The following BBOX1 variants were observed in gnomAD, a reference collection of about 807,000 sequenced individuals.
BBOX1 encodes the protein gamma-butyrobetaine dioxygenase.
BBOX1 carries 35 observed loss-of-function variants against 41.6 expected under a neutral mutation model. The observed-to-expected ratio is 0.84, with a 90% CI of 0.64 to 1.11. The LOEUF (loss-of-function observed/expected upper bound fraction) is 1.11, where lower values mean the gene tolerates loss of function less well. Ranked by LOEUF, BBOX1 falls within the 50% of genes most tolerant of loss-of-function variation. BBOX1 has a pLI of 0.00. For missense variants in BBOX1, 458 were observed against 460.6 expected (o/e 0.99, Z 0.05); for synonymous variants, 163 against 154.7 (o/e 1.05, Z -0.40).
chr11:27,086,560 A>G (rs1858047557), intron 4 of BBOX1, among the ~76,000 whole-genome samples: 1 of 152,152 alleles, frequency 6.6e-6, no homozygotes, highest in African/African-American at 2.4e-5. Flanking sequence ...TTCACTGACA[A>G]TGTAACTAGT....
At chr11:27,112,670 G>A (rs960733593) in intron 5 of BBOX1, among the ~76,000 whole-genome samples, 1 of 151,890 alleles carries the variant, frequency 6.6e-6, no homozygotes, top group African/African-American at 2.4e-5. Flanking sequence ...ATGAATTAAA[G>A]ACTTAAACGT....
chr11:27,108,908 C>A (rs1858957599), intron 5 of BBOX1, among the ~76,000 whole-genome samples: 1 of 152,086 alleles, frequency 6.6e-6, no homozygotes, highest in South Asian at 2.1e-4. Context: ...CTACTAATAC[C>A]CTTTACCGTA....
chr11:27,064,144 T>G (rs1418414485), intron 4 of BBOX1, among the ~76,000 whole-genome samples: 1 of 152,078 alleles, frequency 6.6e-6, no homozygotes, highest in Non-Finnish European at 1.5e-5. Flanking sequence ...ATGGGGTAAG[T>G]GTATTGTTTC....
chr11:27,061,558 G>T (rs749799447), intron 4 of BBOX1, among the ~76,000 whole-genome samples: 1 of 152,152 alleles, frequency 6.6e-6, no homozygotes, highest in South Asian at 2.1e-4. Flanking sequence ...ATATTCCAGA[G>T]CATGCAAACA....
At chr11:27,055,740 C>A (rs1590169478) in intron 3 of BBOX1, 91 bp downstream of exon 3, 4 of 1,261,402 alleles carry the variant, frequency 3.2e-6, no homozygotes, top group East Asian at 5.0e-5. Context: ...TTTATTTGGT[C>A]ACGCATATAT....
Position 27,119,757 on chromosome 11 carries a change from C to G in BBOX1, c.748C>G (p.Gln250Glu). 6.2e-7 allele frequency: 1 copy of G among 1,603,634 alleles called. No individual in the cohort carries two copies. The highest frequency in any genetic ancestry group is 1.1e-5 in the South Asian group (1 of 89,716). The change falls in exon 7 of 9, where the codon CAG (glutamine) becomes GAG (glutamate). Residue 250 changes from glutamine to glutamate, a missense_variant. Physicochemically the swap from Gln to Glu is conservative, Grantham distance 29. Transcript: ENST00000263182. Reference protein sequence around the residue: ...KLKKNNPQAFQILSSTFVDFT... With the variant: ...KLKKNNPQAFEILSSTFVDFT... Reference sequence around the variant, plus strand: ...AAAGAAAAATAATCCTCAGGCATTCCAGATTTTGTCCTCTACCTTTGTGGA... The same window carrying G: ...AAAGAAAAATAATCCTCAGGCATTCGAGATTTTGTCCTCTACCTTTGTGGA...
chr11:27,068,392 T>C (rs1270595531), intron 4 of BBOX1, among the ~76,000 whole-genome samples: 1 of 152,208 alleles, frequency 6.6e-6, no homozygotes, highest in Non-Finnish European at 1.5e-5. Context: ...TGTCCATTCA[T>C]GTCATCTGCC....
intron 6 of BBOX1, 25 bp from the exon 7 acceptor site, chr11:27,119,624 A>T: frequency 8.1e-7 from 1 of 1,232,370 alleles, no homozygotes. Flanking sequence ...ATATTTATTT[A>T]ATAATGCATA....
At chr11:27,087,354 C>A (rs1334984975) in intron 4 of BBOX1, among the ~76,000 whole-genome samples, 21 of 152,074 alleles carry the variant, frequency 1.4e-4, no homozygotes, top group Admixed American at 1.4e-3. Context: ...GATCAGTCAG[C>A]AACCATCAAC....
chr11:27,127,241 G>C (rs373764565), intron 8 of BBOX1, 52 bp from the exon 9 acceptor site: 2 of 1,572,984 alleles, frequency 1.3e-6, no homozygotes, highest in Admixed American at 3.4e-5. Flanking sequence ...TTCTAGCTCT[G>C]TAAGTCATTT....
intron 7 of BBOX1, among the ~76,000 whole-genome samples, chr11:27,121,654 G>A (rs562870530): frequency 7.8e-4 from 119 of 152,154 alleles, no homozygotes; most frequent in Non-Finnish European, 1.4e-3. Context: ...AAAGATAGAC[G>A]TCAAGAATGA....
At chr11:27,078,473 C>T (rs1590193143) in intron 4 of BBOX1, among the ~76,000 whole-genome samples, 1 of 151,958 alleles carries the variant, frequency 6.6e-6, no homozygotes, top group South Asian at 2.1e-4. Flanking sequence ...CTTCCCCTAT[C>T]CCCCCACCAT....
At chr11:27,061,693 A>C (rs1857137416) in intron 4 of BBOX1, among the ~76,000 whole-genome samples, 1 of 152,180 alleles carries the variant, frequency 6.6e-6, no homozygotes, top group Non-Finnish European at 1.5e-5. Context: ...AGATGCAGAC[A>C]ATTTTTCCTT....
chr11:27,086,591 G>C (rs150362032), intron 4 of BBOX1, among the ~76,000 whole-genome samples: 1 of 152,110 alleles, frequency 6.6e-6, no homozygotes, highest in Admixed American at 6.6e-5. Flanking sequence ...CTCTTATTAA[G>C]ATGTACAAGG....
rs1859403043 is a variant in BBOX1 at position 27,119,853 on chromosome 11, C to T, written c.836+8C>T. The stretch of plus-strand genomic sequence containing the variant: ...AAAACATAAAATTATAGAGTAAGTA[C>T]TATTTATAAATTTCCCATAGCAATA... On this transcript the variant is annotated splice_region_variant and intron_variant, in intron 7 of 8. Coordinates refer to ENST00000263182, the MANE Select transcript of BBOX1 (RefSeq NM_003986.3). 7.4e-7 allele frequency: 1 copy of T among 1,358,660 alleles called. No homozygotes were observed. The highest frequency in any genetic ancestry group is 2.7e-5 in the East Asian group (1 of 37,372). 84.2% of individuals were successfully genotyped at this position (1,358,660 alleles called of 1,614,324 possible).
chr11:27,117,725 T>C (rs867668726), intron 6 of BBOX1, among the ~76,000 whole-genome samples: 1 of 152,136 alleles, frequency 6.6e-6, no homozygotes, highest in African/African-American at 2.4e-5. Context: ...ACTTCATAAA[T>C]GTTCCTGAAG....
chr11:27,090,777 A>C (rs183804520), intron 4 of BBOX1, among the ~76,000 whole-genome samples: 1 of 152,008 alleles, frequency 6.6e-6, no homozygotes, highest in Admixed American at 6.6e-5. Context: ...CACATAAAAC[A>C]GACATTCCCA....
intron 4 of BBOX1, among the ~76,000 whole-genome samples, chr11:27,059,296 T>C (rs1161918130): frequency 6.6e-6 from 1 of 152,226 alleles, no homozygotes; most frequent in African/African-American, 2.4e-5. Context: ...CAAGAATGAA[T>C]GAGGCTTGAT....
intron 4 of BBOX1, among the ~76,000 whole-genome samples, chr11:27,078,562 C>G (rs1221251319): frequency 6.6e-6 from 1 of 152,130 alleles, no homozygotes; most frequent in Non-Finnish European, 1.5e-5. Flanking sequence ...CCATCATTCT[C>G]AGCAAACTAT....
Sources: gnomAD v4.1 joint callset for allele counts (sites outside exome capture counted in the v4.1 genomes callset) on GRCh38, gnomAD v4.1.1 for gene constraint, MANE v1.5 for transcripts, NCBI Gene and HGNC (gene_info 2026-07-23, HGNC 2026-07-21) for gene names.